The following RNF220 variants were observed in gnomAD, a reference collection of about 807,000 sequenced individuals.
RNF220 encodes ring finger protein 220.
Under a neutral mutation model 67.1 loss-of-function variants are expected in RNF220, and 7 were observed. That is an observed-to-expected ratio of 0.10 (90% confidence interval 0.06 to 0.20). RNF220 has a LOEUF of 0.20. Among genes scored for constraint, RNF220 ranks in the 10% least tolerant of loss-of-function variants. The probability of loss-of-function intolerance (pLI) is 1.00; values close to 1 mark genes in which losing one functional copy is unlikely to be tolerated. For synonymous variants in RNF220, 270 were observed against 283.2 expected (o/e 0.95, Z 0.47); for missense variants, 565 against 740.3 (o/e 0.76, Z 2.75).
chr1:44,641,178 TGAG>T (rs1644478815), intron 8 of RNF220, among the ~76,000 whole-genome samples: 4 of 152,176 alleles, frequency 2.6e-5, no homozygotes, highest in South Asian at 4.2e-4. Flanking sequence ...GTTTTCACTG[TGAG>T]GAGAAGGATA....
rs932027075 is a variant in RNF220 at position 44,649,915 on chromosome 1, G to T, written c.1587G>T (p.Gln529His). 6 of 1,614,066 alleles carry T rather than the reference G, an allele frequency of 3.7e-6. No individual in the cohort carries two copies. Among genetic ancestry groups the T allele is most frequent in the Non-Finnish European group, 5.1e-6 (6 of 1,179,982 alleles). ...ACTCGATGCCCCTAACGTCCATCCA[G>T]TGTTGGCACGTGCACTGCGAGGAGT... ...DSYSMPLTSIQCWHVHCEECW... is the reference protein window; with the variant it reads ...DSYSMPLTSIHCWHVHCEECW... The change falls in exon 14 of 15, where the codon CAG (glutamine) becomes CAT (histidine). Residue 529 changes from glutamine (Q) to histidine (H), a missense_variant. Transcript: ENST00000361799. This position sits in a 1 kb window ranked among gnomAD's most constrained non-coding sequence, Gnocchi z 5.9.
intron 2 of RNF220, among the ~76,000 whole-genome samples, chr1:44,580,041 A>G (rs986142451): frequency 7.1e-6 from 1 of 141,622 alleles, no homozygotes; most frequent in Non-Finnish European, 1.5e-5. Context: ...AAAAAAAAAA[A>G]AAAAAAAAAA....
intron 2 of RNF220, among the ~76,000 whole-genome samples, chr1:44,442,511 ACT>A (rs1319747457): frequency 1.4e-5 from 1 of 73,158 alleles, no homozygotes; most frequent in Non-Finnish European, 2.4e-5. Context: ...CACCACTCAC[ACT>A]CTTTTTTTTT....
intron 12 of RNF220, among the ~76,000 whole-genome samples, chr1:44,646,103 C>T (rs970908267): frequency 1.3e-5 from 2 of 152,176 alleles, no homozygotes; most frequent in African/African-American, 2.4e-5. Context: ...TGGCATTGTC[C>T]AGTCTAGGCT....
intron 2 of RNF220, among the ~76,000 whole-genome samples, chr1:44,598,402 C>A (rs991779107): frequency 3.3e-5 from 5 of 152,172 alleles, no homozygotes; most frequent in Admixed American, 1.3e-4. Context: ...AAGCTGGGCT[C>A]CTGGGAGTGA....
intron 2 of RNF220, among the ~76,000 whole-genome samples, chr1:44,577,250 G>A (rs1664875882): frequency 6.6e-6 from 1 of 152,078 alleles, no homozygotes; most frequent in South Asian, 2.1e-4. Context: ...CCAAGTACAA[G>A]CCCCTGCAGC....
At chr1:44,414,712 A>G (rs1648344205) in intron 2 of RNF220, among the ~76,000 whole-genome samples, 1 of 152,138 alleles carries the variant, frequency 6.6e-6, no homozygotes, top group South Asian at 2.1e-4. Flanking sequence ...CCTTGAAATT[A>G]ATGAGATTCT....
intron 2 of RNF220, among the ~76,000 whole-genome samples, chr1:44,421,545 T>A (rs1431368120): frequency 6.6e-6 from 1 of 150,654 alleles, no homozygotes; most frequent in African/African-American, 2.4e-5. Flanking sequence ...AGGACGGGGC[T>A]TGAAGGGGCC....
At chr1:44,526,734 A>G (rs567961064) in intron 2 of RNF220, among the ~76,000 whole-genome samples, 1 of 150,434 alleles carries the variant, frequency 6.6e-6, no homozygotes, top group Non-Finnish European at 1.5e-5. Context: ...CAAGCACATT[A>G]CTCTCCCCTC....
At chr1:44,538,914 T>TCTA (rs1661450138) in intron 2 of RNF220, among the ~76,000 whole-genome samples, 1 of 94,006 alleles carries the variant, frequency 1.1e-5, no homozygotes, top group Non-Finnish European at 1.9e-5. Flanking sequence ...AGACTCCATC[T>TCTA]AGGGAAAAAA....
chr1:44,572,695 GCT>G, intron 2 of RNF220, among the ~76,000 whole-genome samples: 1 of 152,032 alleles, frequency 6.6e-6, no homozygotes. Flanking sequence ...CCACTTCTCA[GCT>G]CTCTCGGTGT....
At chr1:44,644,487 T>C in intron 8 of RNF220, 1 of 554,478 alleles carries the variant, frequency 1.8e-6, no homozygotes. Flanking sequence ...TGGAGCAGCA[T>C]GCAGTAGCAG....
At chr1:44,460,597 C>G (rs528201933) in intron 2 of RNF220, among the ~76,000 whole-genome samples, 2 of 152,292 alleles carry the variant, frequency 1.3e-5, no homozygotes, top group South Asian at 4.1e-4. Context: ...AGGGTTCTCA[C>G]AAAACTTCCC....
intron 12 of RNF220, chr1:44,648,835 G>A (rs1389654010): frequency 6.6e-6 from 1 of 152,300 alleles, no homozygotes; most frequent in East Asian, 1.9e-4. Context: ...TATTGGTGGA[G>A]TGAGCAGCCC....
At chr1:44,616,341 G>A (rs1012913124) in intron 3 of RNF220, among the ~76,000 whole-genome samples, 7 of 152,128 alleles carry the variant, frequency 4.6e-5, no homozygotes, top group African/African-American at 1.7e-4. Flanking sequence ...CTATACCAGT[G>A]ATAATAATAA....
intron 2 of RNF220, among the ~76,000 whole-genome samples, chr1:44,423,194 C>T (rs955637615): frequency 6.6e-6 from 1 of 152,156 alleles, no homozygotes; most frequent in African/African-American, 2.4e-5. Context: ...GTGACCTTTA[C>T]GCTGATATCT....
At chr1:44,485,281 C>A (rs1656185486) in intron 2 of RNF220, among the ~76,000 whole-genome samples, 1 of 152,176 alleles carries the variant, frequency 6.6e-6, no homozygotes, top group Non-Finnish European at 1.5e-5. Flanking sequence ...TCTCTCCCTC[C>A]CCCCAATCTC....
Position 44,412,689 on chromosome 1 carries a change from G to A in RNF220, c.592G>A (p.Ala198Thr). The A allele has an allele frequency of 6.2e-7, 1 of 1,614,178 alleles. No homozygotes were observed. The highest frequency in any genetic ancestry group is 8.5e-7 in the Non-Finnish European group (1 of 1,180,028). Residue 198 changes from alanine to threonine, a missense_variant, in exon 2 of 15, where the codon GCC (alanine) becomes ACC (threonine). Transcript: ENST00000361799. This position sits in a 1 kb window ranked among gnomAD's most constrained non-coding sequence, Gnocchi z 5.3. ...CTCTGGCCTCATTTCTGATCGGGAA[G>A]CCTCATCTAGCCCAGAGGATCGGAA... Reference protein sequence around the residue: ...AVSGLISDREASSSPEDRNDR... With the variant: ...AVSGLISDRETSSSPEDRNDR...
intron 3 of RNF220, among the ~76,000 whole-genome samples, chr1:44,615,107 G>A (rs1557440179): frequency 6.6e-6 from 1 of 152,120 alleles, no homozygotes; most frequent in Non-Finnish European, 1.5e-5. Flanking sequence ...CTCAGCTGAG[G>A]CTGGAATCAA....
Sources: gnomAD v4.1 joint callset for allele counts (sites outside exome capture counted in the v4.1 genomes callset) on GRCh38, gnomAD v4.1.1 for gene constraint, Gnocchi (gnomAD v3.1) non-coding constraint, MANE v1.5 for transcripts, NCBI Gene and HGNC (gene_info 2026-07-23, HGNC 2026-07-21) for gene names.